Variants in GCGR observed in about 807,000 individuals in gnomAD.
GCGR encodes glucagon receptor.
A neutral mutation model predicts 56.1 loss-of-function variants in GCGR; 41 were observed. The ratio of observed to expected loss-of-function variants is 0.73; its 90% CI spans 0.57 to 0.95. The LOEUF (loss-of-function observed/expected upper bound fraction) is 0.95. GCGR is among the 40% of genes least tolerant of loss of function. GCGR has a pLI of 0.00. For synonymous variants in GCGR, 278 were observed against 271.1 expected (o/e 1.03, Z -0.25); for missense variants, 595 against 638.2 (o/e 0.93, Z 0.73).
At position 81,813,451 on chromosome 17, in the gene GCGR, G is replaced by A; in HGVS notation, c.1219-23G>A. The A allele has an allele frequency of 6.5e-7, 1 of 1,532,812 alleles. No individual in the cohort carries two copies. The highest frequency in any genetic ancestry group is 8.7e-7 in the Non-Finnish European group (1 of 1,145,854). The allele number at this position is 1,532,812 out of a possible 1,614,324, so 95.0% of individuals were successfully genotyped here. ...AGAGGACAGGCAGGCCCTAGGACTG[G>A]CCTGCCCCGTCCCCCTCCCCAGGTG... On this transcript the variant is annotated intron_variant, in intron 13 of 13. Coordinates refer to ENST00000400723, the MANE Select transcript of GCGR (RefSeq NM_000160.5). The surrounding 1 kb of genome is among the most constrained non-coding windows in gnomAD (Gnocchi z 5.3).
In GCGR at chr17:81,804,634, C is replaced by T. The variant is rs2037911281; in HGVS notation, c.-178+385C>T. Among the ~76,000 whole-genome samples the T allele has an allele frequency of 6.6e-6, 1 of 152,016 alleles. No homozygotes were observed. The highest frequency in any genetic ancestry group is 2.4e-5 in the African/African-American group (1 of 41,402). ...GGGAGCGCACAAAGCGCCGCGGACGCGTCCCCGAGGCGCGGGGTCTCACCA... is the reference window on the plus strand; with the variant it reads ...GGGAGCGCACAAAGCGCCGCGGACGTGTCCCCGAGGCGCGGGGTCTCACCA... On this transcript the variant is annotated intron_variant, in intron 1 of 13. Transcript: ENST00000400723. This position sits in a 1 kb window ranked among gnomAD's most constrained non-coding sequence, Gnocchi z 8.2.
chr17:81,813,335 G>A lies in GCGR; in HGVS notation c.1219-139G>A. ...CGTGGCGATGCTGGGTGGCATAGCT[G>A]TGCCCAGCAGGGAGCTTGTGTCGCT... On this transcript the variant is annotated intron_variant, in intron 13 of 13. Transcript: ENST00000400723. The surrounding 1 kb of genome is among the most constrained non-coding windows in gnomAD (Gnocchi z 5.3). The A allele has an allele frequency of 1.1e-6, 1 of 916,808 alleles. No homozygotes were observed. The highest frequency in any genetic ancestry group is 1.6e-6 in the Non-Finnish European group (1 of 610,736). 56.8% of individuals were successfully genotyped at this position (916,808 alleles called of 1,614,324 possible).
rs141516460 is a variant in GCGR, at chr17:81,806,860, G to A, written c.-177-1982G>A. ...CCAGTGTCCTTCCTCCTTGTCCCCC[G>A]CCTGCATCTCCACCATCCACCCTGC... is the stretch of plus-strand genomic sequence containing the variant. On this transcript the variant is annotated intron_variant, in intron 1 of 13. Transcript: ENST00000400723. This position sits in a 1 kb window ranked among gnomAD's most constrained non-coding sequence, Gnocchi z 6.5. 8.6e-3 allele frequency among the ~76,000 whole-genome samples: 1,269 copies of A among 147,096 alleles called. 5 individuals carry two copies. The highest frequency in any genetic ancestry group is 0.014 in the Non-Finnish European group (913 of 67,014).
At chr17:81,805,502 T>C (rs2037939826) in intron 1 of GCGR, among the ~76,000 whole-genome samples, 1 of 150,518 alleles carries the variant, frequency 6.6e-6, no homozygotes, top group African/African-American at 2.5e-5. Flanking sequence ...AGCCCCCCCA[T>C]TGGGCACCTC....
rs1265617024 is a variant in GCGR at position 81,806,332 on chromosome 17, C to T, written c.-178+2083C>T. Among the ~76,000 whole-genome samples, 2 of 152,178 alleles carry T rather than the reference C, an allele frequency of 1.3e-5. No homozygotes were observed. Among genetic ancestry groups the T allele is most frequent in the East Asian group, 1.9e-4 (1 of 5,188 alleles). On this transcript the variant is annotated intron_variant, in intron 1 of 13. Coordinates refer to ENST00000400723, the MANE Select transcript of GCGR (RefSeq NM_000160.5). This position sits in a 1 kb window ranked among gnomAD's most constrained non-coding sequence, Gnocchi z 6.5. The stretch of plus-strand genomic sequence containing the variant: ...CTCTTGTATTCAGAGGCCCTGACCC[C>T]TAGGGATCCGGGACTAGGGGTGCCC...
chr17:81,809,289 C>CGTCTGCCTGCCTGTCT (rs1555709299), intron 2 of GCGR, among the ~76,000 whole-genome samples: 25,440 of 123,386 alleles, frequency 0.21, 2,465 homozygotes, highest in African/African-American at 0.26. Context: ...TCTGCCTGTC[C>CGTCTGCCTGCCTGTCT]GTCTGCCTGT....
At position 81,810,975 on chromosome 17, in the gene GCGR, G is replaced by A. The variant is rs1163047990; in HGVS notation, c.272-35G>A. On this transcript the variant is annotated intron_variant, in intron 4 of 13. Coordinates refer to ENST00000400723, the MANE Select transcript of GCGR (RefSeq NM_000160.5). The surrounding 1 kb of genome is among the most constrained non-coding windows in gnomAD (Gnocchi z 4.6). ...GAACTGTGGGGGGGGCGGGCCCAGGGTGGGGCTGACCCCAGCCTCCCCCCA... is the reference window on the plus strand; with the variant it reads ...GAACTGTGGGGGGGGCGGGCCCAGGATGGGGCTGACCCCAGCCTCCCCCCA... 4 of 1,534,978 alleles carry A rather than the reference G, an allele frequency of 2.6e-6. No individual in the cohort carries two copies. The highest frequency in any genetic ancestry group is 3.9e-5 in the Admixed American group (2 of 50,998).
In GCGR at chr17:81,810,240, G is replaced by A. The variant is rs1055057090; in HGVS notation, c.163+356G>A. On this transcript the variant is annotated intron_variant, in intron 3 of 13. Transcript: ENST00000400723. This position sits in a 1 kb window ranked among gnomAD's most constrained non-coding sequence, Gnocchi z 4.6. ...GAAGCTGGGACCCAGGGGCCTGGGAGGGCTCGGGTGGAGAGTGTATATCAT... is the reference window on the plus strand; with the variant it reads ...GAAGCTGGGACCCAGGGGCCTGGGAAGGCTCGGGTGGAGAGTGTATATCAT... 2.5e-6 allele frequency: 1 copy of A among 401,774 alleles called. No homozygotes were observed. The highest frequency in any genetic ancestry group is 4.8e-6 in the Non-Finnish European group (1 of 210,190). The allele number at this position is 401,774 out of a possible 1,614,324, so 24.9% of individuals were successfully genotyped here. A position where few individuals can be genotyped will look rare whatever the true frequency, so the allele number is the denominator to read the frequency against.
Position 81,813,145 on chromosome 17 carries a change from C to A in GCGR, c.1218+88C>A. The A allele has an allele frequency of 6.6e-7, 1 of 1,523,052 alleles. No individual in the cohort carries two copies. Among genetic ancestry groups the A allele is most frequent in the South Asian group, 1.2e-5 (1 of 83,688 alleles). The allele number at this position is 1,523,052 out of a possible 1,614,324, so 94.3% of individuals were successfully genotyped here. A position where few individuals can be genotyped will look rare whatever the true frequency, so the allele number is the denominator to read the frequency against. On this transcript the variant is annotated intron_variant, in intron 13 of 13. Coordinates refer to ENST00000400723, the MANE Select transcript of GCGR (RefSeq NM_000160.5). This position sits in a 1 kb window ranked among gnomAD's most constrained non-coding sequence, Gnocchi z 5.3. ...AGGCACAGGGATGCCAGCCCCACCC[C>A]TGCCCGGGGGTTGGAACACGTGGGG...
In GCGR at chr17:81,810,847, C is replaced by T. The variant is rs756520949; in HGVS notation, c.186C>T (p.Phe62=). 617 of 1,536,722 alleles carry T rather than the reference C, an allele frequency of 4.0e-4. 3 individuals are homozygous for T. Among genetic ancestry groups the T allele is most frequent in the Non-Finnish European group, 8.0e-5 (92 of 1,146,876 alleles). ...PPTELVCNRT[F]DKYSCWPDTP... is the part of the protein sequence containing the mutation. ...CAGAGCTGGTGTGCAACAGAACCTTCGACAAGTATTCCTGCTGGCCGGACA... is the reference window on the plus strand; with the variant it reads ...CAGAGCTGGTGTGCAACAGAACCTTTGACAAGTATTCCTGCTGGCCGGACA... The change falls in exon 4 of 14, where the codon TTC becomes TTT. Residue 62 remains phenylalanine, a synonymous_variant. Coordinates refer to ENST00000400723, the MANE Select transcript of GCGR (RefSeq NM_000160.5). This position sits in a 1 kb window ranked among gnomAD's most constrained non-coding sequence, Gnocchi z 4.6.
In GCGR at chr17:81,804,593, G is replaced by C. The variant is rs1456996664; in HGVS notation, c.-178+344G>C. Among the ~76,000 whole-genome samples, 1 of 150,928 alleles carries C rather than the reference G, an allele frequency of 6.6e-6. No homozygotes were observed. Among genetic ancestry groups the C allele is most frequent in the Admixed American group, 6.6e-5 (1 of 15,150 alleles). ...GGCCACACTCCCCACTCAGGGCCCC[G>C]GGCCCCGCCGCCCTGGGGAGCGCAC... is the stretch of plus-strand genomic sequence containing the variant. On this transcript the variant is annotated intron_variant, in intron 1 of 13. Coordinates refer to ENST00000400723, the MANE Select transcript of GCGR (RefSeq NM_000160.5). The surrounding 1 kb of genome is among the most constrained non-coding windows in gnomAD (Gnocchi z 8.2).
intron 2 of GCGR, 34 bp downstream of exon 2, chr17:81,809,112 CCCT>C: frequency 6.5e-7 from 1 of 1,531,948 alleles, no homozygotes; most frequent in Non-Finnish European, 8.7e-7. Context: ...CACCCAGGGG[CCCT>C]CCTGTGAGGA....
rs1225544346 is a variant in GCGR at position 81,811,456 on chromosome 17, G to T, written c.553G>T (p.Val185Leu). 4 of 1,536,634 alleles carry T rather than the reference G, an allele frequency of 2.6e-6. No homozygotes were observed. Among genetic ancestry groups the T allele is most frequent in the South Asian group, 1.2e-5 (1 of 84,066 alleles). Residue 185 changes from valine to leucine, a missense_variant, in exon 7 of 14, where the codon GTG becomes TTG. Coordinates refer to ENST00000400723, the MANE Select transcript of GCGR (RefSeq NM_000160.5). This position sits in a 1 kb window ranked among gnomAD's most constrained non-coding sequence, Gnocchi z 5.8. ...AIHANLFASFVLKASSVLVID... is the reference protein window; with the variant it reads ...AIHANLFASFLLKASSVLVID... ...CCACGCGAATCTGTTTGCGTCCTTC[G>T]TGCTGAAAGCCAGCTCCGTGCTGGT...
In GCGR at chr17:81,809,726, T is replaced by TCTGTCTGCCTGCCTGTCTGCCTGC. The variant is rs745907164; in HGVS notation, c.61-37_61-36insCCTGCCTGTCTGCCTGCCTGTCTG. ...GCCTGTCTGCCTGTCTGTCTGCCTG[T>TCTGTCTGCCTGCCTGTCTGCCTGC]CTGTCTGCCTGCCTGTCTGTCTGTC... On this transcript the variant is annotated intron_variant, in intron 2 of 13. Coordinates refer to ENST00000400723, the MANE Select transcript of GCGR (RefSeq NM_000160.5). 32 of 1,300,464 alleles carry TCTGTCTGCCTGCCTGTCTGCCTGC rather than the reference T, an allele frequency of 2.5e-5. No homozygotes were observed. The Admixed American group carries it at 5.6e-4, about 23-fold the overall frequency. The allele number at this position is 1,300,464 out of a possible 1,614,324, so 80.6% of individuals were successfully genotyped here.
chr17:81,812,829 C>T lies in GCGR; in HGVS notation c.1060C>T (p.Leu354Phe), dbSNP rs2038131358. Residue 354 changes from leucine (L) to phenylalanine (F), a missense_variant, in exon 12 of 14, where the codon CTC becomes TTC. Coordinates refer to ENST00000400723, the MANE Select transcript of GCGR (RefSeq NM_000160.5). This position sits in a 1 kb window ranked among gnomAD's most constrained non-coding sequence, Gnocchi z 8.5. ...CAGGCTGGCCAAGTCCACGCTGACC[C>T]TCATCCCTCTGCTGGGCGTCCACGA... ...KFRLAKSTLT[L>F]IPLLGVHEVV... 1.1e-5 allele frequency: 17 copies of T among 1,535,858 alleles called. No homozygotes were observed. The highest frequency in any genetic ancestry group is 2.4e-5 in the South Asian group (2 of 84,064).
chr17:81,809,698 C>CCTGCCTGT (rs1261002570), intron 2 of GCGR, 84 bp from the exon 3 acceptor site: 8 of 1,041,696 alleles, frequency 7.7e-6, no homozygotes, highest in African/African-American at 1.6e-5. Context: ...CATCTACCTG[C>CCTGCCTGT]CTGCCTGTCT....
chr17:81,807,982 G>T (rs1041877030), intron 1 of GCGR, among the ~76,000 whole-genome samples: 1 of 151,852 alleles, frequency 6.6e-6, no homozygotes, highest in African/African-American at 2.4e-5. Flanking sequence ...GTCGACGCCC[G>T]CAGTGCTAAC....
chr17:81,810,243 C>T lies in GCGR; in HGVS notation c.163+359C>T, dbSNP rs528901237. The T allele has an allele frequency of 2.5e-6, 1 of 400,002 alleles. No homozygotes were observed. Among genetic ancestry groups the T allele is most frequent in the Non-Finnish European group, 4.8e-6 (1 of 209,226 alleles). 24.8% of individuals were successfully genotyped at this position (400,002 alleles called of 1,614,324 possible). A position where few individuals can be genotyped will look rare whatever the true frequency, so the allele number is the denominator to read the frequency against. ...GCTGGGACCCAGGGGCCTGGGAGGGCTCGGGTGGAGAGTGTATATCATGGC... is the reference window on the plus strand; with the variant it reads ...GCTGGGACCCAGGGGCCTGGGAGGGTTCGGGTGGAGAGTGTATATCATGGC... On this transcript the variant is annotated intron_variant, in intron 3 of 13. Coordinates refer to ENST00000400723, the MANE Select transcript of GCGR (RefSeq NM_000160.5). This position sits in a 1 kb window ranked among gnomAD's most constrained non-coding sequence, Gnocchi z 4.6.
rs1568249921 is a variant in GCGR at position 81,809,055 on chromosome 17, T to G, written c.37T>G (p.Leu13Val). 2.0e-6 allele frequency: 3 copies of G among 1,535,994 alleles called. No homozygotes were observed. The South Asian group carries it at 3.6e-5, about 18-fold the overall frequency. Reference protein sequence around the residue: ...PCQPQRPLLLLLLLLACQPQV... With the variant: ...PCQPQRPLLLVLLLLACQPQV... ...CCAGCCACAGCGACCCCTGCTGCTG[T>G]TGCTGCTGCTGCTGGCCTGCCAGGT... Residue 13 changes from leucine (L) to valine (V), a missense_variant, in exon 2 of 14, where the codon TTG becomes GTG. Transcript: ENST00000400723.
Sources: allele counts gnomAD v4.1 joint callset (sites outside exome capture counted in the v4.1 genomes callset), GRCh38; gene constraint gnomAD v4.1.1; non-coding constraint Gnocchi (gnomAD v3.1); transcripts MANE v1.5; gene names NCBI Gene and HGNC (gene_info 2026-07-23, HGNC 2026-07-21).